LDB2: variants seen among roughly 807,000 people sequenced by gnomAD.
LDB2 encodes the protein LIM domain binding 2, also known as LIM domain-binding protein 2.
In LDB2, 12 loss-of-function variants were observed where a neutral mutation model predicts 44.3. That is an observed-to-expected ratio of 0.27 (90% CI 0.17 to 0.44). The LOEUF is 0.44. Among genes scored for constraint, LDB2 ranks in the 20% least tolerant of loss-of-function variants. The pLI, the probability that LDB2 is intolerant of heterozygous loss-of-function variation, is 1.00. For missense variants in LDB2, 344 were observed against 473.5 expected, an observed-to-expected ratio of 0.73 and a Z score of 2.54; for synonymous variants, 164 against 174.8, an observed-to-expected ratio of 0.94 and a Z score of 0.49.
chr4:16,732,904 C>T (rs893893108), intron 2 of LDB2, among the ~76,000 whole-genome samples: 32 of 152,196 alleles, frequency 2.1e-4, no homozygotes, highest in Non-Finnish European at 4.0e-4. Context: ...TCCTACCTAG[C>T]TACTGTTTCT....
chr4:16,545,494 C>G (rs1735446693), intron 5 of LDB2, among the ~76,000 whole-genome samples: 2 of 152,176 alleles, frequency 1.3e-5, no homozygotes, highest in Admixed American at 1.3e-4. Context: ...GGTTCAGAAT[C>G]TTCAAAACGT....
intron 2 of LDB2, among the ~76,000 whole-genome samples, chr4:16,676,397 T>G (rs1453624524): frequency 2.0e-5 from 3 of 152,246 alleles, no homozygotes; most frequent in Non-Finnish European, 4.4e-5. Context: ...CAGCTGTGAC[T>G]GTGAAGGCTC....
chr4:16,655,101 T>C (rs1249765078), intron 2 of LDB2, among the ~76,000 whole-genome samples: 1 of 152,184 alleles, frequency 6.6e-6, no homozygotes, highest in Non-Finnish European at 1.5e-5. Flanking sequence ...CTTCTCCCCA[T>C]GCAGAAATCT....
chr4:16,536,730 C>T (rs1732002423), intron 5 of LDB2, among the ~76,000 whole-genome samples: 2 of 152,174 alleles, frequency 1.3e-5, no homozygotes, highest in Admixed American at 6.5e-5. Flanking sequence ...CAGGGAGTGT[C>T]AGGGCTGCTG....
chr4:16,659,392 G>A (rs1740825737), intron 2 of LDB2, among the ~76,000 whole-genome samples: 1 of 152,110 alleles, frequency 6.6e-6, no homozygotes, highest in Non-Finnish European at 1.5e-5. Context: ...TGACTTAAGA[G>A]TTTATATAAC....
intron 1 of LDB2, among the ~76,000 whole-genome samples, chr4:16,791,400 C>G (rs1051255477): frequency 1.3e-5 from 2 of 151,726 alleles, no homozygotes; most frequent in African/African-American, 4.8e-5. Flanking sequence ...ACTAAAAATA[C>G]AAATATTAGC....
Position 16,823,003 on chromosome 4 carries a change from G to A in LDB2, c.133-63743C>T, listed in dbSNP as rs966580799. 5.9e-5 allele frequency among the ~76,000 whole-genome samples: 9 copies of A among 152,298 alleles called. No homozygotes were observed. In the East Asian group the frequency reaches 1.7e-3, roughly 29 times the overall value. ...GGCTGTGACCCTAGATAGCCTAGCT[G>A]CAGAGTCAGTGAAGAGAATAACTAC... On this transcript the variant is annotated intron_variant, in intron 1 of 7. Coordinates refer to ENST00000304523, the MANE Select transcript of LDB2 (RefSeq NM_001290.5).
At chr4:16,830,116 A>G (rs1783798385) in intron 1 of LDB2, among the ~76,000 whole-genome samples, 1 of 151,764 alleles carries the variant, frequency 6.6e-6, no homozygotes. Context: ...TCTCAAAAAG[A>G]AAAAAAAGAA....
chr4:16,578,363 G>T (rs1443539500), intron 5 of LDB2, among the ~76,000 whole-genome samples: 2 of 152,050 alleles, frequency 1.3e-5, no homozygotes, highest in Admixed American at 6.6e-5. Flanking sequence ...TACAGGAAAA[G>T]ATCTGATAAT....
chr4:16,799,139 C>T (rs548375910), intron 1 of LDB2, among the ~76,000 whole-genome samples: 2 of 152,346 alleles, frequency 1.3e-5, no homozygotes, highest in South Asian at 4.2e-4. Flanking sequence ...AGGCATGAGC[C>T]ACCGCGCCCG....
intron 2 of LDB2, among the ~76,000 whole-genome samples, chr4:16,614,811 C>A (rs1260185022): frequency 6.6e-6 from 1 of 151,738 alleles, no homozygotes; most frequent in African/African-American, 2.4e-5. Flanking sequence ...TGGCTCACGC[C>A]TGTAATCCCA....
At chr4:16,800,853 T>C (rs146884734) in intron 1 of LDB2, among the ~76,000 whole-genome samples, 3,689 of 152,250 alleles carry the variant, frequency 0.024, 162 homozygotes, top group African/African-American at 0.082. Context: ...CTTTTTGTAT[T>C]TTTACTAGAG....
chr4:16,889,062 G>GTC (rs200868279), intron 1 of LDB2, among the ~76,000 whole-genome samples: 6,083 of 146,330 alleles, frequency 0.042, 175 homozygotes, highest in Admixed American at 0.084. Flanking sequence ...TAGGACAAAT[G>GTC]TCTCTCTCTC....
chr4:16,566,359 A>G (rs1196589566), intron 5 of LDB2, among the ~76,000 whole-genome samples: 1 of 152,126 alleles, frequency 6.6e-6, no homozygotes, highest in Admixed American at 6.5e-5. Context: ...GAGAACAGGA[A>G]TTGGAATACA....
intron 7 of LDB2, among the ~76,000 whole-genome samples, chr4:16,505,468 T>C (rs889497676): frequency 6.6e-6 from 1 of 152,156 alleles, no homozygotes; most frequent in Non-Finnish European, 1.5e-5. Context: ...TTTATGTGCA[T>C]GTTTCTATTG....
At chr4:16,669,359 A>G (rs564547172) in intron 2 of LDB2, among the ~76,000 whole-genome samples, 1 of 152,218 alleles carries the variant, frequency 6.6e-6, no homozygotes, top group African/African-American at 2.4e-5. Context: ...AGTTCCCTTC[A>G]TCTCAGCTCC....
chr4:16,585,498 C>T (rs766516965), intron 5 of LDB2, among the ~76,000 whole-genome samples: 1 of 152,104 alleles, frequency 6.6e-6, no homozygotes, highest in African/African-American at 2.4e-5. Context: ...TGTTTCAGCA[C>T]GGGATTGGAT....
intron 2 of LDB2, among the ~76,000 whole-genome samples, chr4:16,627,483 TATC>T (rs1041449770): frequency 5.3e-5 from 8 of 152,212 alleles, no homozygotes; most frequent in African/African-American, 1.9e-4. Flanking sequence ...CATTTATCAT[TATC>T]ATCATCATCG....
At chr4:16,826,060 T>C (rs1217390117) in intron 1 of LDB2, among the ~76,000 whole-genome samples, 2 of 151,876 alleles carry the variant, frequency 1.3e-5, no homozygotes. Context: ...TAATGTTATA[T>C]ATATCTATCT....
Sources: allele counts gnomAD v4.1 joint callset (sites outside exome capture counted in the v4.1 genomes callset), GRCh38; gene constraint gnomAD v4.1.1; transcripts MANE v1.5; gene names NCBI Gene and HGNC (gene_info 2026-07-23, HGNC 2026-07-21).